The following HIGD1A variants were observed in gnomAD, a reference collection of about 807,000 sequenced individuals.
HIGD1A encodes the protein HIG1 hypoxia inducible domain family member 1A, also known as HIG1 domain family member 1A, mitochondrial.
Under a neutral mutation model 11.3 loss-of-function variants are expected in HIGD1A, and 8 were observed. The ratio of observed to expected loss-of-function variants is 0.71; its 90% CI spans 0.42 to 1.28. HIGD1A has a LOEUF of 1.28. Among genes scored for constraint, HIGD1A ranks in the 50% most tolerant of loss-of-function variants. The pLI, the probability that HIGD1A is intolerant of heterozygous loss-of-function variation, is 0.01. For missense variants in HIGD1A, 107 were observed against 118.8 expected (o/e 0.90, Z 0.46); for synonymous variants, 32 against 38.4 (o/e 0.83, Z 0.62).
chr3:42,791,092 G>A (rs1700416747), intron 2 of HIGD1A, among the ~76,000 whole-genome samples: 1 of 152,172 alleles, frequency 6.6e-6, no homozygotes, highest in Admixed American at 6.5e-5. Context: ...CAGTAGTTGA[G>A]TAACAAATCT....
chr3:42,785,313 G>A lies in HIGD1A; in HGVS notation c.240C>T (p.Gly80=). The A allele has an allele frequency of 6.2e-7, 1 of 1,609,002 alleles. No individual in the cohort carries two copies. The highest frequency in any genetic ancestry group is 2.2e-5 in the East Asian group (1 of 44,846). ...CCCAGAATTCCCGATACATGGAATA[G>A]CCCATACCTAAAGAAAAAGAATGCT... ...FVVGAMTVGM[G]YSMYREFWAK... Residue 80 remains glycine (G), a synonymous_variant, in exon 4 of 4, where the codon GGC becomes GGT. Coordinates refer to ENST00000321331, the MANE Select transcript of HIGD1A (RefSeq NM_014056.4).
chr3:42,800,006 T>C (rs1700536705), intron 1 of HIGD1A, among the ~76,000 whole-genome samples: 1 of 152,188 alleles, frequency 6.6e-6, no homozygotes. Context: ...TAGGCCAGTA[T>C]GTTTACTAGT....
intron 1 of HIGD1A, among the ~76,000 whole-genome samples, chr3:42,795,416 T>G (rs1411541313): frequency 6.6e-6 from 1 of 152,018 alleles, no homozygotes; most frequent in Non-Finnish European, 1.5e-5. Flanking sequence ...GAGATGGGGT[T>G]TCACCATCTT....
chr3:42,787,464 C>A (rs539147904), intron 2 of HIGD1A, among the ~76,000 whole-genome samples: 2 of 151,462 alleles, frequency 1.3e-5, no homozygotes, highest in African/African-American at 4.8e-5. Flanking sequence ...TGGTGGCATG[C>A]GCCTGTAATC....
Position 42,794,247 on chromosome 3 carries a change from T to C in HIGD1A, c.7A>G (p.Thr3Ala), listed in dbSNP as rs751136789. 7.5e-6 allele frequency: 12 copies of C among 1,597,948 alleles called. No individual in the cohort carries two copies. In the South Asian group the frequency reaches 1.0e-4, roughly 14 times the overall value. MSTDTGVSLPSYE... is the reference protein window; with the variant it reads MSADTGVSLPSYE... The stretch of plus-strand genomic sequence containing the variant: ...GAAGGAAGGGAAACACCTGTGTCTG[T>C]TGACATAGTGATTGCTTGAAGAATC... Residue 3 changes from threonine (T) to alanine (A), a missense_variant, in exon 2 of 4, where the codon ACA (threonine) becomes GCA (alanine). Transcript: ENST00000321331.
At chr3:42,794,685 A>T (rs1700472521) in intron 1 of HIGD1A, among the ~76,000 whole-genome samples, 1 of 152,236 alleles carries the variant, frequency 6.6e-6, no homozygotes, top group Admixed American at 6.5e-5. Context: ...TGAACCTTCA[A>T]TATCATGTTG....
At chr3:42,800,346 AAAAAGAAAAAG>A (rs1313038265) in intron 1 of HIGD1A, among the ~76,000 whole-genome samples, 1 of 101,810 alleles carries the variant, frequency 9.8e-6, no homozygotes, top group Non-Finnish European at 2.3e-5. Flanking sequence ...AAAATAAAAG[AAAAAGAAAAAG>A]AAAAAGAAAA....
In HIGD1A at chr3:42,785,258, A is replaced by T; in HGVS notation, c.*13T>A. On this transcript the variant is annotated 3_prime_UTR_variant, in exon 4 of 4. Transcript: ENST00000321331. ...CAAGCTCCTCCAACAAGACCAAGAC[A>T]GCATCTCTTCTTCTAAGGCTTAGGT... 1 of 1,606,630 alleles carries T rather than the reference A, an allele frequency of 6.2e-7. No individual in the cohort carries two copies. The highest frequency in any genetic ancestry group is 8.5e-7 in the Non-Finnish European group (1 of 1,175,548).
Position 42,785,255 on chromosome 3 carries a change from G to C in HIGD1A, c.*16C>G, listed in dbSNP as rs1435906109. The C allele has an allele frequency of 6.2e-7, 1 of 1,604,744 alleles. No individual in the cohort carries two copies. Among genetic ancestry groups the C allele is most frequent in the Non-Finnish European group, 8.5e-7 (1 of 1,174,244 alleles). On this transcript the variant is annotated 3_prime_UTR_variant, in exon 4 of 4. Transcript: ENST00000321331. The stretch of plus-strand genomic sequence containing the variant: ...AAGCAAGCTCCTCCAACAAGACCAA[G>C]ACAGCATCTCTTCTTCTAAGGCTTA...
chr3:42,792,337 T>C (rs1005357705), intron 2 of HIGD1A, among the ~76,000 whole-genome samples: 1 of 152,196 alleles, frequency 6.6e-6, no homozygotes, highest in South Asian at 2.1e-4. Flanking sequence ...AATAATGTTA[T>C]ATACAACAGT....
intron 2 of HIGD1A, among the ~76,000 whole-genome samples, chr3:42,788,095 T>C (rs1700374487): frequency 1.3e-5 from 2 of 151,738 alleles, no homozygotes; most frequent in African/African-American, 4.8e-5. Flanking sequence ...ACTGAGAGAT[T>C]AGGAAGCTAT....
In HIGD1A at chr3:42,794,265, G is replaced by A; in HGVS notation, c.-12C>T. The A allele has an allele frequency of 6.3e-7, 1 of 1,576,458 alleles. No individual in the cohort carries two copies. Among genetic ancestry groups the A allele is most frequent in the South Asian group, 1.2e-5 (1 of 83,336 alleles). ...GTGTCTGTTGACATAGTGATTGCTT[G>A]AAGAATCTCCCTGAGAAAGAATTTC... On this transcript the variant is annotated 5_prime_UTR_variant, in exon 2 of 4. Coordinates refer to ENST00000321331, the MANE Select transcript of HIGD1A (RefSeq NM_014056.4).
At chr3:42,788,809 C>CAG (rs1700383412) in intron 2 of HIGD1A, among the ~76,000 whole-genome samples, 1 of 151,450 alleles carries the variant, frequency 6.6e-6, no homozygotes, top group Non-Finnish European at 1.5e-5. Context: ...ACCCAGGAGG[C>CAG]AGAGGCTGCA....
intron 1 of HIGD1A, among the ~76,000 whole-genome samples, chr3:42,803,835 A>C (rs982806130): frequency 6.6e-6 from 1 of 152,212 alleles, no homozygotes; most frequent in Non-Finnish European, 1.5e-5. Flanking sequence ...AGCACTACAC[A>C]GGACCCTAGG....
intron 1 of HIGD1A, among the ~76,000 whole-genome samples, chr3:42,803,961 C>T (rs1700603371): frequency 6.6e-6 from 1 of 152,188 alleles, no homozygotes; most frequent in Admixed American, 6.5e-5. Flanking sequence ...TCCTCGCCGC[C>T]TCTCTTCCTG....
intron 1 of HIGD1A, among the ~76,000 whole-genome samples, chr3:42,800,780 C>T (rs951790141): frequency 6.6e-6 from 1 of 151,904 alleles, no homozygotes; most frequent in Admixed American, 6.6e-5. Flanking sequence ...CTAGGAAGCC[C>T]GCCCTGTTGA....
chr3:42,787,594 A>AAAATATAT lies in HIGD1A; in HGVS notation c.98-1433_98-1432insATATATTT, dbSNP rs1383516264. On this transcript the variant is annotated intron_variant, in intron 2 of 3. Transcript: ENST00000321331. The stretch of plus-strand genomic sequence containing the variant: ...CGACAGAGCGAGACTCCATCTCAAA[A>AAAATATAT]ATATATATATATATATATATATATA... Among the ~76,000 whole-genome samples the AAAATATAT allele has an allele frequency of 3.5e-5, 5 of 141,256 alleles. No individual in the cohort carries two copies. The Admixed American group carries it at 3.7e-4, about 11-fold the overall frequency. The allele number at this position is 141,256 out of a possible 152,430, so 92.7% of individuals were successfully genotyped here.
chr3:42,787,195 A>C (rs1700362231), intron 2 of HIGD1A, among the ~76,000 whole-genome samples: 1 of 152,150 alleles, frequency 6.6e-6, no homozygotes, highest in Non-Finnish European at 1.5e-5. Context: ...TATTCATTTT[A>C]ATACAGGAAA....
At chr3:42,787,157 G>A (rs1488305710) in intron 2 of HIGD1A, among the ~76,000 whole-genome samples, 1 of 152,058 alleles carries the variant, frequency 6.6e-6, no homozygotes, top group Non-Finnish European at 1.5e-5. Flanking sequence ...AACAAAACGT[G>A]TGCTAAAGGT....
Sources: allele counts gnomAD v4.1 joint callset (sites outside exome capture counted in the v4.1 genomes callset), GRCh38; gene constraint gnomAD v4.1.1; transcripts MANE v1.5; gene names NCBI Gene and HGNC (gene_info 2026-07-23, HGNC 2026-07-21).